The following PAX5 variants were observed in gnomAD, a reference collection of about 807,000 sequenced individuals.
PAX5 encodes paired box protein Pax-5.
A neutral mutation model predicts 43.7 loss-of-function variants in PAX5; 9 were observed. That is an observed-to-expected ratio of 0.21 (90% CI 0.12 to 0.36). PAX5 has a LOEUF of 0.36. Among genes scored for constraint, PAX5 ranks in the 10% least tolerant of loss-of-function variants. The pLI is 1.00. For missense variants in PAX5, 383 were observed against 532.7 expected (o/e 0.72, Z 2.77); for synonymous variants, 228 against 214.3 (o/e 1.06, Z -0.56).
At chr9:37,025,186 C>G (rs539853191) in intron 1 of PAX5, among the ~76,000 whole-genome samples, 1 of 152,294 alleles carries the variant, frequency 6.6e-6, no homozygotes, top group Middle Eastern at 3.4e-3. Flanking sequence ...GAGCTCCCCA[C>G]CGCTTTGGTG....
intron 8 of PAX5, among the ~76,000 whole-genome samples, chr9:36,877,960 C>T (rs1348813603): frequency 6.6e-6 from 1 of 152,190 alleles, no homozygotes; most frequent in Non-Finnish European, 1.5e-5. Flanking sequence ...AGAAGGCAAC[C>T]TGAAGATGGA....
intron 7 of PAX5, among the ~76,000 whole-genome samples, chr9:36,921,790 G>A (rs1034771298): frequency 1.3e-5 from 2 of 152,156 alleles, no homozygotes; most frequent in African/African-American, 4.8e-5. Flanking sequence ...GAGCCAGAGG[G>A]CCAGCTCTAA....
chr9:36,927,924 G>A (rs1830787448), intron 6 of PAX5, among the ~76,000 whole-genome samples: 2 of 152,156 alleles, frequency 1.3e-5, no homozygotes, highest in Non-Finnish European at 1.5e-5. Context: ...TGGCCAGGCT[G>A]GTCTTGAACT....
chr9:36,941,713 G>A (rs1832067880), intron 6 of PAX5, among the ~76,000 whole-genome samples: 1 of 151,258 alleles, frequency 6.6e-6, no homozygotes, highest in South Asian at 2.1e-4. Flanking sequence ...GGCAAACTTG[G>A]TGGACCCACA....
chr9:36,902,146 A>G (rs146267920), intron 7 of PAX5, among the ~76,000 whole-genome samples: 25 of 152,308 alleles, frequency 1.6e-4, no homozygotes, highest in African/African-American at 3.6e-4. Flanking sequence ...GAGAAAGAAG[A>G]AAATCCATAA....
At chr9:36,995,427 C>T (rs1400545585) in intron 5 of PAX5, among the ~76,000 whole-genome samples, 2 of 152,092 alleles carry the variant, frequency 1.3e-5, no homozygotes, top group East Asian at 1.9e-4. Context: ...GGGAGGCCCG[C>T]GAGAGAAGGG....
At chr9:36,912,542 T>C (rs1021206555) in intron 7 of PAX5, among the ~76,000 whole-genome samples, 23 of 152,312 alleles carry the variant, frequency 1.5e-4, no homozygotes, top group African/African-American at 5.5e-4. Flanking sequence ...CATCATATAA[T>C]GGCAGTAGGC....
At chr9:36,896,108 T>A (rs1012301861) in intron 7 of PAX5, among the ~76,000 whole-genome samples, 5 of 152,074 alleles carry the variant, frequency 3.3e-5, no homozygotes, top group Admixed American at 3.3e-4. Flanking sequence ...ACAGGAGGAA[T>A]CCATAGTCAT....
intron 3 of PAX5, among the ~76,000 whole-genome samples, chr9:37,009,736 T>C (rs1838767654): frequency 6.6e-6 from 1 of 152,176 alleles, no homozygotes; most frequent in Non-Finnish European, 1.5e-5. Context: ...GCATACCCCA[T>C]TTTTCATGGT....
intron 8 of PAX5, among the ~76,000 whole-genome samples, chr9:36,852,950 ATCT>A (rs1267870877): frequency 1.3e-5 from 2 of 152,180 alleles, no homozygotes; most frequent in African/African-American, 2.4e-5. Flanking sequence ...GGAAAGGGAA[ATCT>A]TCTCATCACA....
At chr9:37,012,453 A>G (rs184185410) in intron 3 of PAX5, among the ~76,000 whole-genome samples, 5 of 152,146 alleles carry the variant, frequency 3.3e-5, no homozygotes, top group Admixed American at 2.0e-4. Flanking sequence ...ACATGAAAGC[A>G]CCTTAGAGGC....
intron 5 of PAX5, among the ~76,000 whole-genome samples, chr9:36,987,661 A>C (rs1836548264): frequency 6.6e-6 from 1 of 152,012 alleles, no homozygotes; most frequent in Admixed American, 6.6e-5. Flanking sequence ...TTCTTTGGGG[A>C]GCTAGGAAGG....
chr9:36,892,513 C>G (rs374103334), intron 7 of PAX5, among the ~76,000 whole-genome samples: 1 of 152,200 alleles, frequency 6.6e-6, no homozygotes, highest in Non-Finnish European at 1.5e-5. Flanking sequence ...AGATAAGGTA[C>G]TCAGCTCTTA....
intron 1 of PAX5, chr9:37,026,423 C>T (rs1840381843): frequency 2.1e-6 from 2 of 963,470 alleles, no homozygotes; most frequent in African/African-American, 1.7e-5. Context: ...GTTAGCTGCG[C>T]GGCTGCAGAG....
At chr9:36,998,981 C>T (rs1210208160) in intron 5 of PAX5, among the ~76,000 whole-genome samples, 3 of 152,120 alleles carry the variant, frequency 2.0e-5, no homozygotes, top group Admixed American at 6.5e-5. Context: ...TAAAATTACA[C>T]GTGGCTTGCA....
At chr9:37,006,683 T>G in intron 3 of PAX5, 146 bp from the exon 4 acceptor site, 1 of 677,926 alleles carries the variant, frequency 1.5e-6, no homozygotes, top group Non-Finnish European at 2.7e-6. Context: ...GGAGGGAGAT[T>G]ATAAACCCAG....
intron 6 of PAX5, among the ~76,000 whole-genome samples, chr9:36,932,553 G>T (rs1366771587): frequency 6.6e-6 from 1 of 152,130 alleles, no homozygotes; most frequent in Non-Finnish European, 1.5e-5. Flanking sequence ...ATCCATGATT[G>T]GCTGGAGATG....
intron 5 of PAX5, among the ~76,000 whole-genome samples, chr9:36,997,956 G>T (rs1287328750): frequency 6.6e-6 from 1 of 152,238 alleles, no homozygotes; most frequent in Non-Finnish European, 1.5e-5. Context: ...GAACAGGCCT[G>T]CCTCAAAAGT....
chr9:36,982,663 G>A (rs867458112), intron 5 of PAX5, among the ~76,000 whole-genome samples: 17 of 152,234 alleles, frequency 1.1e-4, no homozygotes, highest in African/African-American at 4.1e-4. Context: ...TCCCAGACAA[G>A]GATAAGATGT....
Sources: allele counts gnomAD v4.1 joint callset (sites outside exome capture counted in the v4.1 genomes callset), GRCh38; gene constraint gnomAD v4.1.1; transcripts MANE v1.5; gene names NCBI Gene and HGNC (gene_info 2026-07-23, HGNC 2026-07-21).